TMPRSS11E: variants seen among roughly 807,000 people sequenced by gnomAD.
The protein encoded by TMPRSS11E is transmembrane protease serine 11E.
A neutral mutation model predicts 48.1 loss-of-function variants in TMPRSS11E; 38 were observed. The observed-to-expected ratio is 0.79, with a 90% CI of 0.61 to 1.04. TMPRSS11E has a LOEUF of 1.04. Among genes scored for constraint, TMPRSS11E ranks in the 50% least tolerant of loss-of-function variants. The pLI, the probability that TMPRSS11E is intolerant of heterozygous loss-of-function variation, is 0.00. For synonymous variants in TMPRSS11E, 158 were observed against 171.9 expected (o/e 0.92, Z 0.63); for missense variants, 530 against 510.8 (o/e 1.04, Z -0.36).
rs552753190 is a variant in TMPRSS11E, at chr4:68,478,932, G to A, written c.1051G>A (p.Ala351Thr). The A allele has an allele frequency of 9.3e-6, 15 of 1,613,894 alleles. No individual in the cohort carries two copies. In the South Asian group the frequency reaches 1.1e-4, roughly 12 times the overall value. ...TCNEPQAYNDAITPRMLCAGS... is the reference protein window; with the variant it reads ...TCNEPQAYNDTITPRMLCAGS... The stretch of plus-strand genomic sequence containing the variant: ...CAATGAACCTCAAGCTTACAATGAC[G>A]CCATAACTCCTAGAATGTTATGTGC... Residue 351 changes from alanine (A) to threonine (T), a missense_variant, in exon 9 of 10, where the codon GCC becomes ACC. Physicochemically the swap from Ala to Thr is moderately conservative, Grantham distance 58. Transcript: ENST00000305363.
intron 1 of TMPRSS11E, among the ~76,000 whole-genome samples, chr4:68,460,805 G>A (rs983504579): frequency 6.6e-6 from 1 of 151,460 alleles, no homozygotes; most frequent in African/African-American, 2.4e-5. Context: ...GTGGATCAAT[G>A]TTTTTCAGTA....
At chr4:68,461,999 C>T in intron 2 of TMPRSS11E, 54 bp downstream of exon 2, 1 of 1,606,518 alleles carries the variant, frequency 6.2e-7, no homozygotes, top group African/African-American at 1.3e-5. Context: ...TTTCCTCATA[C>T]CTTGCTGTTT....
intron 3 of TMPRSS11E, 142 bp from the exon 4 acceptor site, chr4:68,468,737 A>C: frequency 1.4e-6 from 1 of 706,552 alleles, no homozygotes; most frequent in Non-Finnish European, 2.5e-6. Context: ...AGATTCCTCA[A>C]GCTTCCTCAG....
rs370114126 is a variant in TMPRSS11E, at chr4:68,466,651, T to A, written c.157T>A (p.Tyr53Asn). The A allele has an allele frequency of 1.2e-6, 2 of 1,612,688 alleles. No individual in the cohort carries two copies. Among genetic ancestry groups the A allele is most frequent in the South Asian group, 1.1e-5 (1 of 90,870 alleles). The change falls in exon 3 of 10, where the codon TAC (tyrosine) becomes AAC (asparagine). Residue 53 changes from tyrosine (Y) to asparagine (N), a missense_variant. Physicochemically the swap from Tyr to Asn is moderately radical, Grantham distance 143. Transcript: ENST00000305363. Reference protein sequence around the residue: ...VRYNQKKTYNYYSTLSFTTDK... With the variant: ...VRYNQKKTYNNYSTLSFTTDK... ...TGTAGATCAAAAGAAGACCTACAATTACTATAGCACATTGTCATTTACAAC... is the reference window on the plus strand; with the variant it reads ...TGTAGATCAAAAGAAGACCTACAATAACTATAGCACATTGTCATTTACAAC...
At chr4:68,463,694 A>T (rs1728853518) in intron 2 of TMPRSS11E, among the ~76,000 whole-genome samples, 1 of 152,208 alleles carries the variant, frequency 6.6e-6, no homozygotes, top group South Asian at 2.1e-4. Flanking sequence ...TGTTGTAAGC[A>T]TCATTATTTG....
intron 5 of TMPRSS11E, among the ~76,000 whole-genome samples, chr4:68,473,538 C>A (rs538623618): frequency 6.6e-6 from 1 of 152,088 alleles, no homozygotes; most frequent in South Asian, 2.1e-4. Context: ...ACACTTATTG[C>A]ACATATCTTG....
chr4:68,449,271 A>G (rs1465181262), intron 1 of TMPRSS11E, among the ~76,000 whole-genome samples: 1 of 151,772 alleles, frequency 6.6e-6, no homozygotes, highest in Non-Finnish European at 1.5e-5. Context: ...TAAACACACA[A>G]CAGAAAGTTA....
intron 1 of TMPRSS11E, 100 bp from the exon 2 acceptor site, chr4:68,461,721 C>T (rs1728795030): frequency 6.4e-7 from 1 of 1,566,292 alleles, no homozygotes; most frequent in Non-Finnish European, 8.7e-7. Flanking sequence ...ACACGACCCT[C>T]CAACTGAATG....
rs575782602 is a variant in TMPRSS11E at position 68,483,449 on chromosome 4, G to GT, written c.1110+4466dup. On this transcript the variant is annotated intron_variant, in intron 9 of 9. Transcript: ENST00000305363. ...GGACAAATATTCAAACTGTATCTAT[G>GT]TTTTTTTTCCCCATTTTAAAAGGGA... Among the ~76,000 whole-genome samples the GT allele has an allele frequency of 4.4e-3, 674 of 152,040 alleles. 7 individuals carry two copies. Among genetic ancestry groups the GT allele is most frequent in the African/African-American group, 0.015 (640 of 41,470 alleles).
rs544736587 is a variant in TMPRSS11E, at chr4:68,453,445, A to C, written c.11+5922A>C. ...AAGAAAATGGAAGTCATTTGCTTAA[A>C]GTCATAGAGCTTGTTACAAAGAGGC... On this transcript the variant is annotated intron_variant, in intron 1 of 9. Coordinates refer to ENST00000305363, the MANE Select transcript of TMPRSS11E (RefSeq NM_014058.4). Among the ~76,000 whole-genome samples, 3 of 152,074 alleles carry C rather than the reference A, an allele frequency of 2.0e-5. No homozygotes were observed. The South Asian group carries it at 6.2e-4, about 32-fold the overall frequency.
chr4:68,472,284 G>A (rs149731090), intron 5 of TMPRSS11E, among the ~76,000 whole-genome samples: 3,451 of 151,508 alleles, frequency 0.023, 100 homozygotes, highest in African/African-American at 0.061. Flanking sequence ...AATACTATCT[G>A]GGCACAAGTA....
intron 9 of TMPRSS11E, among the ~76,000 whole-genome samples, chr4:68,488,377 A>G (rs2708674): frequency 0.45 from 68,467 of 151,986 alleles, 17,745 homozygotes; most frequent in East Asian, 0.81. Flanking sequence ...TTCTTTATCT[A>G]ACTGAGTTGA....
At chr4:68,465,229 C>G (rs1443357596) in intron 2 of TMPRSS11E, among the ~76,000 whole-genome samples, 1 of 152,166 alleles carries the variant, frequency 6.6e-6, no homozygotes, top group Non-Finnish European at 1.5e-5. Context: ...CTCTTGTACT[C>G]TGGTGACTCA....
At position 68,461,875 on chromosome 4, in the gene TMPRSS11E, C is replaced by A; in HGVS notation, c.66C>A (p.Gly22=). The part of the protein sequence containing the change: ...KRVCWEPWVI[G]LVIFISLIVL... ...TTTGTTGGGAACCCTGGGTTATCGGCCTCGTCATCTTCATATCCCTGATTG... is the reference window on the plus strand; with the variant it reads ...TTTGTTGGGAACCCTGGGTTATCGGACTCGTCATCTTCATATCCCTGATTG... Residue 22 remains glycine, a synonymous_variant, in exon 2 of 10, where the codon GGC becomes GGA. Transcript: ENST00000305363. 6.2e-7 allele frequency: 1 copy of A among 1,614,196 alleles called. No homozygotes were observed. The highest frequency in any genetic ancestry group is 8.5e-7 in the Non-Finnish European group (1 of 1,180,020).
At chr4:68,470,662 A>G (rs1729040632) in intron 4 of TMPRSS11E, among the ~76,000 whole-genome samples, 1 of 151,904 alleles carries the variant, frequency 6.6e-6, no homozygotes, top group Non-Finnish European at 1.5e-5. Context: ...CTTCCAGTTT[A>G]TGAGAGTAGT....
chr4:68,479,066 G>A, intron 9 of TMPRSS11E, 75 bp downstream of exon 9: 3 of 1,566,752 alleles, frequency 1.9e-6, no homozygotes, highest in Non-Finnish European at 2.6e-6. Flanking sequence ...ATATCTACAG[G>A]AAGTTGCAAA....
intron 1 of TMPRSS11E, among the ~76,000 whole-genome samples, chr4:68,457,809 A>G (rs1046036863): frequency 6.6e-6 from 1 of 152,112 alleles, no homozygotes; most frequent in Non-Finnish European, 1.5e-5. Flanking sequence ...GGAAACCATC[A>G]TTCTCAGCAA....
chr4:68,471,228 C>T lies in TMPRSS11E; in HGVS notation c.327-232C>T, dbSNP rs187427596. Among the ~76,000 whole-genome samples, 1,253 of 151,336 alleles carry T rather than the reference C, an allele frequency of 8.3e-3. 19 individuals are homozygous for T. Among genetic ancestry groups the T allele is most frequent in the African/African-American group, 0.029 (1,207 of 41,340 alleles). ...TTGTGATATTACCCTTCTTTCTTTT[C>T]TTTTCTCTTTTCTTTTCTTTCTCTC... On this transcript the variant is annotated intron_variant, in intron 4 of 9. Transcript: ENST00000305363.
Position 68,496,772 on chromosome 4 carries a change from C to A in TMPRSS11E, c.1240C>A (p.Arg414=), listed in dbSNP as rs771409177. The change falls in exon 10 of 10, where the codon CGG becomes AGG. Residue 414 remains arginine, a synonymous_variant. Transcript: ENST00000305363. ...PGVYTRVTAL[R]DWITSKTGI is the part of the protein sequence containing the mutation. The stretch of plus-strand genomic sequence containing the variant: ...TGTTTATACTAGAGTTACGGCCTTG[C>A]GGGACTGGATTACTTCAAAAACTGG... 5.0e-6 allele frequency: 8 copies of A among 1,612,930 alleles called. No homozygotes were observed. Among genetic ancestry groups the A allele is most frequent in the Admixed American group, 3.3e-5 (2 of 59,920 alleles).
Sources: allele counts gnomAD v4.1 joint callset (sites outside exome capture counted in the v4.1 genomes callset), GRCh38; gene constraint gnomAD v4.1.1; transcripts MANE v1.5; gene names NCBI Gene and HGNC (gene_info 2026-07-23, HGNC 2026-07-21).